Variants in SV2B observed in about 807,000 individuals in gnomAD.
SV2B encodes solute carrier family 22 member B2.
Under a neutral mutation model 73.9 loss-of-function variants are expected in SV2B, and 41 were observed. That is an observed-to-expected ratio of 0.56 (90% CI 0.43 to 0.72). SV2B has a LOEUF of 0.72. SV2B is among the 30% of genes least tolerant of loss of function. SV2B has a pLI of 0.00. For missense variants in SV2B, 764 were observed against 857.8 expected (o/e 0.89, Z 1.37); for synonymous variants, 314 against 314.2 (o/e 1.00, Z 0.01).
chr15:91,149,847 C>T (rs1208410628), intron 1 of SV2B, among the ~76,000 whole-genome samples: 3 of 152,164 alleles, frequency 2.0e-5, no homozygotes, highest in Non-Finnish European at 4.4e-5. Context: ...AGAAGATGAC[C>T]TTTCAAATGT....
chr15:91,163,510 G>A (rs1168011851), intron 1 of SV2B, among the ~76,000 whole-genome samples: 1 of 152,144 alleles, frequency 6.6e-6, no homozygotes, highest in South Asian at 2.1e-4. Context: ...TTCTCTGATG[G>A]CCAGTGATGA....
intron 12 of SV2B, among the ~76,000 whole-genome samples, chr15:91,291,816 C>T (rs993800898): frequency 2.6e-5 from 4 of 152,218 alleles, no homozygotes; most frequent in African/African-American, 9.6e-5. Context: ...CCCGCAACGT[C>T]TCTTACGGAA....
rs1596787566 is a variant in SV2B at position 91,284,060 on chromosome 15, A to G, written c.1547A>G (p.Asn516Ser). 1 of 1,613,924 alleles carries G rather than the reference A, an allele frequency of 6.2e-7. No individual in the cohort carries two copies. The highest frequency in any genetic ancestry group is 2.2e-5 in the East Asian group (1 of 44,862). ...EHKFINCRFI[N>S]STFLEQKEGC... ...AAGTTCATCAACTGTCGGTTTATCA[A>G]CTCCACCTTCCTGGAGCAGAAGGAG... The change falls in exon 11 of 13, where the codon AAC becomes AGC. Residue 516 changes from asparagine to serine, a missense_variant. Transcript: ENST00000394232. This position sits in a 1 kb window ranked among gnomAD's most constrained non-coding sequence, Gnocchi z 4.5.
At position 91,214,655 on chromosome 15, in the gene SV2B, C is replaced by T. The variant is rs578139642; in HGVS notation, c.-391-11218C>T. Among the ~76,000 whole-genome samples, 66 of 152,304 alleles carry T rather than the reference C, an allele frequency of 4.3e-4. No homozygotes were observed. Among genetic ancestry groups the T allele is most frequent in the African/African-American group, 1.4e-3 (60 of 41,580 alleles). On this transcript the variant is annotated intron_variant, in intron 1 of 12. Coordinates refer to ENST00000394232, the MANE Select transcript of SV2B (RefSeq NM_001323032.3). The surrounding 1 kb of genome is among the most constrained non-coding windows in gnomAD (Gnocchi z 4.7). Reference sequence around the variant, plus strand: ...ACAGCCACTGTATGGCAAGAAATATCATTAACAATTGTTTTCCCGATGAAA... The same window carrying T: ...ACAGCCACTGTATGGCAAGAAATATTATTAACAATTGTTTTCCCGATGAAA...
At chr15:91,195,566 A>G (rs1463445066) in intron 1 of SV2B, among the ~76,000 whole-genome samples, 3 of 152,228 alleles carry the variant, frequency 2.0e-5, no homozygotes, top group Non-Finnish European at 4.4e-5. Context: ...TAAGCAACAC[A>G]TTGTGAAATT....
Position 91,121,423 on chromosome 15 carries a change from C to T in SV2B, c.-392+21060C>T, listed in dbSNP as rs544246072. Among the ~76,000 whole-genome samples the T allele has an allele frequency of 1.6e-4, 24 of 152,342 alleles. No individual in the cohort carries two copies. Among genetic ancestry groups the T allele is most frequent in the African/African-American group, 5.5e-4 (23 of 41,584 alleles). ...CTAATGTGCAGCCAAGACCCAGTGA[C>T]AGAGCAAACCTTCAATTATTATTAC... On this transcript the variant is annotated intron_variant, in intron 1 of 12. Transcript: ENST00000394232. This position sits in a 1 kb window ranked among gnomAD's most constrained non-coding sequence, Gnocchi z 4.4.
rs185164184 is a variant in SV2B, at chr15:91,245,688, T to A, written c.452-6131T>A. On this transcript the variant is annotated intron_variant, in intron 2 of 12. Transcript: ENST00000394232. This position sits in a 1 kb window ranked among gnomAD's most constrained non-coding sequence, Gnocchi z 4.2. ...AACATGGTCCCTTCGTCCAGGAGTT[T>A]ACAGTCACAGGAGTTTGGCAAATAT... Among the ~76,000 whole-genome samples the A allele has an allele frequency of 3.9e-5, 6 of 152,324 alleles. No individual in the cohort carries two copies. The East Asian group carries it at 1.2e-3, about 29-fold the overall frequency.
chr15:91,152,421 G>A (rs2043342381), intron 1 of SV2B, among the ~76,000 whole-genome samples: 1 of 152,158 alleles, frequency 6.6e-6, no homozygotes, highest in East Asian at 1.9e-4. Context: ...TCCCACCTTT[G>A]AGTCTCTTGG....
At chr15:91,221,207 A>C (rs1016419658) in intron 1 of SV2B, among the ~76,000 whole-genome samples, 1 of 152,142 alleles carries the variant, frequency 6.6e-6, no homozygotes, top group African/African-American at 2.4e-5. Flanking sequence ...ATTAGATCGG[A>C]TTTAAATTGA....
intron 9 of SV2B, among the ~76,000 whole-genome samples, chr15:91,278,438 G>C (rs1469567662): frequency 6.6e-6 from 1 of 151,970 alleles, no homozygotes; most frequent in Admixed American, 6.6e-5. Flanking sequence ...AGCACTTTGG[G>C]AGGCCGAGGC....
chr15:91,161,159 T>A (rs1323479526), intron 1 of SV2B, among the ~76,000 whole-genome samples: 1 of 152,150 alleles, frequency 6.6e-6, no homozygotes, highest in East Asian at 1.9e-4. Context: ...CAGCAGAAAG[T>A]GACTGCAAAC....
intron 1 of SV2B, among the ~76,000 whole-genome samples, chr15:91,167,544 T>C (rs1333897197): frequency 6.6e-6 from 1 of 152,194 alleles, no homozygotes; most frequent in African/African-American, 2.4e-5. Flanking sequence ...ACACATCACT[T>C]CAACCTTTGG....
At chr15:91,200,401 T>C (rs2045417547) in intron 1 of SV2B, among the ~76,000 whole-genome samples, 1 of 152,210 alleles carries the variant, frequency 6.6e-6, no homozygotes, top group Non-Finnish European at 1.5e-5. Context: ...CATATCCCTG[T>C]TGATTACTTT....
intron 1 of SV2B, among the ~76,000 whole-genome samples, chr15:91,114,347 A>G (rs1253033066): frequency 6.6e-6 from 1 of 152,198 alleles, no homozygotes; most frequent in East Asian, 1.9e-4. Context: ...GTGAGAGAAC[A>G]AGAGTTTACA....
rs981246563 is a variant in SV2B, at chr15:91,128,306, G to A, written c.-392+27943G>A. Among the ~76,000 whole-genome samples, 1 of 152,172 alleles carries A rather than the reference G, an allele frequency of 6.6e-6. No homozygotes were observed. Among genetic ancestry groups the A allele is most frequent in the Non-Finnish European group, 1.5e-5 (1 of 68,038 alleles). ...GAGGAGGTGTCAGAATGTAAAAGCT[G>A]TTCTGTTCTTTCCTTGACAATTATC... is the stretch of plus-strand genomic sequence containing the variant. On this transcript the variant is annotated intron_variant, in intron 1 of 12. Coordinates refer to ENST00000394232, the MANE Select transcript of SV2B (RefSeq NM_001323032.3). The surrounding 1 kb of genome is among the most constrained non-coding windows in gnomAD (Gnocchi z 4.2).
In SV2B at chr15:91,253,328, G is replaced by C. The variant is rs542312395; in HGVS notation, c.784+808G>C. Among the ~76,000 whole-genome samples, 13 of 152,300 alleles carry C rather than the reference G, an allele frequency of 8.5e-5. No individual in the cohort carries two copies. The South Asian group carries it at 2.7e-3, about 32-fold the overall frequency. On this transcript the variant is annotated intron_variant, in intron 4 of 12. Coordinates refer to ENST00000394232, the MANE Select transcript of SV2B (RefSeq NM_001323032.3). This position sits in a 1 kb window ranked among gnomAD's most constrained non-coding sequence, Gnocchi z 5.0. Reference sequence around the variant, plus strand: ...AGAATCCTCAGACCCCGAGGGGGTAGCAGACAGCTGCCCCTGAAGCTGACT... The same window carrying C: ...AGAATCCTCAGACCCCGAGGGGGTACCAGACAGCTGCCCCTGAAGCTGACT...
Position 91,137,428 on chromosome 15 carries a change from G to A in SV2B, c.-392+37065G>A, listed in dbSNP as rs2042864539. On this transcript the variant is annotated intron_variant, in intron 1 of 12. Transcript: ENST00000394232. The surrounding 1 kb of genome is among the most constrained non-coding windows in gnomAD (Gnocchi z 4.9). Reference sequence around the variant, plus strand: ...TATAATTATATTTACAATGGATGAAGCAGTTAACAAATCACTAGTGAGTAA... The same window carrying A: ...TATAATTATATTTACAATGGATGAAACAGTTAACAAATCACTAGTGAGTAA... Among the ~76,000 whole-genome samples, 1 of 151,708 alleles carries A rather than the reference G, an allele frequency of 6.6e-6. No homozygotes were observed. The highest frequency in any genetic ancestry group is 1.5e-5 in the Non-Finnish European group (1 of 67,942).
rs990420605 is a variant in SV2B at position 91,132,935 on chromosome 15, T to C, written c.-392+32572T>C. ...TTGGCGCCATTTCACTTAAGGCCAG[T>C]GCATAATAAGGGCTAAAAGACTAAA... On this transcript the variant is annotated intron_variant, in intron 1 of 12. Coordinates refer to ENST00000394232, the MANE Select transcript of SV2B (RefSeq NM_001323032.3). This position sits in a 1 kb window ranked among gnomAD's most constrained non-coding sequence, Gnocchi z 4.6. Among the ~76,000 whole-genome samples the C allele has an allele frequency of 5.3e-5, 8 of 152,170 alleles. No individual in the cohort carries two copies. The highest frequency in any genetic ancestry group is 1.9e-4 in the African/African-American group (8 of 41,440).
chr15:91,191,736 C>T (rs1567331018), intron 1 of SV2B, among the ~76,000 whole-genome samples: 1 of 152,186 alleles, frequency 6.6e-6, no homozygotes, highest in Non-Finnish European at 1.5e-5. Context: ...GTTTTAAATA[C>T]ATCTCTTATA....
Sources: gnomAD v4.1 joint callset for allele counts (sites outside exome capture counted in the v4.1 genomes callset) on GRCh38, gnomAD v4.1.1 for gene constraint, Gnocchi (gnomAD v3.1) non-coding constraint, MANE v1.5 for transcripts, NCBI Gene and HGNC (gene_info 2026-07-23, HGNC 2026-07-21) for gene names.